Variants in RUNX1T1 observed in about 807,000 individuals in gnomAD.
The protein encoded by RUNX1T1 is RUNX1 partner transcriptional co-repressor 1.
A neutral mutation model predicts 62.8 loss-of-function variants in RUNX1T1; 4 were observed. The ratio of observed to expected loss-of-function variants is 0.06; its 90% CI spans 0.03 to 0.15. The LOEUF (loss-of-function observed/expected upper bound fraction) is 0.15. RUNX1T1 is among the 10% of genes least tolerant of loss of function. RUNX1T1 has a pLI of 1.00. For synonymous variants in RUNX1T1, 291 were observed against 286.0 expected, an observed-to-expected ratio of 1.02 and a Z score of -0.18; for missense variants, 508 against 754.3, an observed-to-expected ratio of 0.67 and a Z score of 3.82.
intron 8 of RUNX1T1, among the ~76,000 whole-genome samples, chr8:91,978,030 T>C (rs1335996226): frequency 6.6e-6 from 1 of 152,120 alleles, no homozygotes; most frequent in East Asian, 1.9e-4. Flanking sequence ...TCAGGTCACC[T>C]GACCTCCCAA....
exon 11 of RUNX1T1, chr8:91,959,084 T>C (rs1207062770): frequency 4.7e-6 from 1 of 214,006 alleles, no homozygotes; most frequent in African/African-American, 2.3e-5. Flanking sequence ...TAAACTACAA[T>C]GCATCTTCAC....
At chr8:92,078,904 T>G (rs1174291634) in intron 1 of RUNX1T1, among the ~76,000 whole-genome samples, 3 of 152,242 alleles carry the variant, frequency 2.0e-5, no homozygotes, top group African/African-American at 7.2e-5. Flanking sequence ...GAACCTTCTA[T>G]TTGAATTCAG....
chr8:92,014,934 G>T (rs1156653769), intron 2 of RUNX1T1, 114 bp from the exon 4 acceptor site: 17 of 1,105,208 alleles, frequency 1.5e-5, no homozygotes, highest in Non-Finnish European at 2.0e-5. Flanking sequence ...GTTTTTAAAT[G>T]TTGGGACTTT....
At chr8:92,090,425 T>G (rs1836811452) in intron 1 of RUNX1T1, among the ~76,000 whole-genome samples, 2 of 152,064 alleles carry the variant, frequency 1.3e-5, no homozygotes, top group South Asian at 4.1e-4. Context: ...TCCAGCATAC[T>G]GGATAAGTTC....
intron 1 of RUNX1T1, among the ~76,000 whole-genome samples, chr8:92,084,642 G>A (rs916082753): frequency 1.3e-5 from 2 of 152,138 alleles, no homozygotes; most frequent in African/African-American, 4.8e-5. Context: ...TGAATTGCAC[G>A]GATGATAGCA....
intron 9 of RUNX1T1, among the ~76,000 whole-genome samples, chr8:91,972,292 T>A (rs1813013242): frequency 6.6e-6 from 1 of 152,182 alleles, no homozygotes; most frequent in African/African-American, 2.4e-5. Flanking sequence ...TTAACTGTCA[T>A]GACTTTTGTA....
chr8:91,967,106 A>G (rs1046187937), intron 10 of RUNX1T1, among the ~76,000 whole-genome samples: 34 of 152,158 alleles, frequency 2.2e-4, no homozygotes, highest in Admixed American at 2.0e-3. Flanking sequence ...AAGTAACACT[A>G]CCTACTTTGT....
At chr8:91,993,921 G>A (rs1377884573) in intron 5 of RUNX1T1, among the ~76,000 whole-genome samples, 2 of 152,126 alleles carry the variant, frequency 1.3e-5, no homozygotes, top group Non-Finnish European at 2.9e-5. Context: ...GAACCCCAGA[G>A]GCGGAAGATG....
intron 10 of RUNX1T1, 107 bp from the exon 12 acceptor site, chr8:91,960,624 A>G: frequency 8.2e-7 from 1 of 1,216,490 alleles, no homozygotes; most frequent in Non-Finnish European, 1.2e-6. Flanking sequence ...CAAGAACTAT[A>G]CAGTCAGGAT....
At chr8:92,075,980 A>G in exon 2 of RUNX1T1, 3 of 1,611,546 alleles carry the variant, frequency 1.9e-6, no homozygotes, top group Non-Finnish European at 2.5e-6. Context: ...CAATATTCAA[A>G]GTTCCCTTTT....
chr8:91,997,407 A>G (rs1442039202), intron 5 of RUNX1T1, among the ~76,000 whole-genome samples: 1 of 152,178 alleles, frequency 6.6e-6, no homozygotes, highest in African/African-American at 2.4e-5. Flanking sequence ...TTTTAGGGGA[A>G]GGCAAATTGG....
intron 1 of RUNX1T1, among the ~76,000 whole-genome samples, chr8:92,061,792 T>C (rs1832075298): frequency 6.6e-6 from 1 of 152,110 alleles, no homozygotes. Flanking sequence ...TATCTGAAGA[T>C]AGGAAGCTCC....
intron 1 of RUNX1T1, among the ~76,000 whole-genome samples, chr8:92,049,930 T>A (rs1829985270): frequency 6.6e-6 from 1 of 152,136 alleles, no homozygotes; most frequent in Non-Finnish European, 1.5e-5. Context: ...ATTTAAAAAA[T>A]TATCTTTGAA....
At chr8:92,005,536 C>T in intron 4 of RUNX1T1, 1 of 477,204 alleles carries the variant, frequency 2.1e-6, no homozygotes, top group Non-Finnish European at 3.7e-6. Context: ...TTTATTTCTT[C>T]ACTGATAACA....
intron 1 of RUNX1T1, among the ~76,000 whole-genome samples, chr8:92,078,422 C>T (rs1012979843): frequency 5.3e-5 from 8 of 152,102 alleles, no homozygotes; most frequent in Non-Finnish European, 1.0e-4. Context: ...TTAATAATTG[C>T]TTTGTTCAGA....
At chr8:92,068,675 T>A (rs1199797695) in intron 2 of RUNX1T1, among the ~76,000 whole-genome samples, 1 of 152,076 alleles carries the variant, frequency 6.6e-6, no homozygotes, top group Non-Finnish European at 1.5e-5. Flanking sequence ...AACTTCACCT[T>A]CTGTTACAGA....
At chr8:91,997,358 CA>C (rs931004308) in intron 5 of RUNX1T1, among the ~76,000 whole-genome samples, 1 of 151,874 alleles carries the variant, frequency 6.6e-6, no homozygotes, top group Non-Finnish European at 1.5e-5. Flanking sequence ...TCTACATTAA[CA>C]TTTTTTTTAA....
At chr8:92,054,874 G>A (rs1259656563) in intron 1 of RUNX1T1, among the ~76,000 whole-genome samples, 4 of 152,010 alleles carry the variant, frequency 2.6e-5, no homozygotes, top group Non-Finnish European at 4.4e-5. Flanking sequence ...GCGTGGTGGC[G>A]CTTACCTTTA....
intron 1 of RUNX1T1, among the ~76,000 whole-genome samples, chr8:92,058,879 T>C (rs184880713): frequency 6.0e-4 from 92 of 152,280 alleles, no homozygotes; most frequent in Non-Finnish European, 1.1e-3. Context: ...GTAGTTGTCT[T>C]ATGAAAGCTT....
Sources: gnomAD v4.1 joint callset for allele counts (sites outside exome capture counted in the v4.1 genomes callset) on GRCh38, gnomAD v4.1.1 for gene constraint, MANE v1.5 for transcripts, NCBI Gene and HGNC (gene_info 2026-07-23, HGNC 2026-07-21) for gene names.